The following MED13 variants were observed in gnomAD, a reference collection of about 807,000 sequenced individuals.
MED13 encodes mediator complex subunit 13, also known as mediator of RNA polymerase II transcription subunit 13.
A neutral mutation model predicts 225.2 loss-of-function variants in MED13; 23 were observed. The ratio of observed to expected loss-of-function variants is 0.10; its 90% CI spans 0.07 to 0.14. The LOEUF is 0.14. Ranked by LOEUF, MED13 falls within the 10% of genes least tolerant of loss-of-function variation. MED13 has a pLI of 1.00. For synonymous variants in MED13, 942 were observed against 889.2 expected (o/e 1.06, Z -1.06); for missense variants, 2,197 against 2,594.5 (o/e 0.85, Z 3.33).
At chr17:62,016,388 A>C (rs2080581705) in intron 8 of MED13, among the ~76,000 whole-genome samples, 1 of 152,122 alleles carries the variant, frequency 6.6e-6, no homozygotes, top group Non-Finnish European at 1.5e-5. Flanking sequence ...ACTACTGTAT[A>C]AGGAGATGCA....
At chr17:61,955,896 T>G in intron 24 of MED13, 58 bp from the exon 25 acceptor site, 1 of 1,441,052 alleles carries the variant, frequency 6.9e-7, no homozygotes, top group Non-Finnish European at 9.1e-7. Flanking sequence ...AGTAACAGCA[T>G]TATTAATATC....
chr17:61,984,907 A>G, intron 13 of MED13, 42 bp from the exon 14 acceptor site: 1 of 1,593,298 alleles, frequency 6.3e-7, no homozygotes, highest in Non-Finnish European at 8.6e-7. Context: ...GACTAAAAAT[A>G]GGCGAATCTG....
rs761891108 is a variant in MED13, at chr17:61,965,033, G to C, written c.4817C>G (p.Thr1606Ser). Residue 1606 changes from threonine (T) to serine (S), a missense_variant, in exon 20 of 30, where the codon ACT (threonine) becomes AGT (serine). Around this residue, in one of 12 missense-constraint regions of MED13, gnomAD observed 457 missense variants for 442.2 expected, o/e 1.03. Transcript: ENST00000397786. ...TTCAGACACATCAGGATGCGGCTGA[G>C]TGGGAAGTGAAGATGATTCTCCAGA... ...GISGESSSLPTQPHPDVSEST... is the reference protein window; with the variant it reads ...GISGESSSLPSQPHPDVSEST... 4 of 1,613,934 alleles carry C rather than the reference G, an allele frequency of 2.5e-6. No individual in the cohort carries two copies. In the East Asian group the frequency reaches 8.9e-5, roughly 36 times the overall value.
chr17:62,035,629 T>G (rs1280106624), intron 3 of MED13, 21 bp from the exon 4 acceptor site: 2 of 1,596,508 alleles, frequency 1.3e-6, no homozygotes, highest in African/African-American at 1.4e-5. Flanking sequence ...AGAAAAAGTT[T>G]TATCTTAGTG....
intron 8 of MED13, among the ~76,000 whole-genome samples, chr17:62,019,774 G>A (rs143655019): frequency 1.9e-4 from 28 of 146,974 alleles, no homozygotes; most frequent in Admixed American, 1.7e-3. Flanking sequence ...ACGGAGCCTC[G>A]CTCTTGTCAC....
At chr17:61,992,073 T>C (rs938810854) in intron 11 of MED13, among the ~76,000 whole-genome samples, 1 of 152,248 alleles carries the variant, frequency 6.6e-6, no homozygotes, top group African/African-American at 2.4e-5. Flanking sequence ...GGAGTTATGA[T>C]GATGAAACAC....
intron 9 of MED13, among the ~76,000 whole-genome samples, chr17:62,000,397 C>T (rs777876453): frequency 2.0e-5 from 3 of 152,152 alleles, no homozygotes; most frequent in Non-Finnish European, 4.4e-5. Context: ...TGATCCCAAC[C>T]GCCTGATGGA....
chr17:61,982,820 A>C lies in MED13; in HGVS notation c.3183T>G (p.Thr1061=). 6.2e-7 allele frequency: 1 copy of C among 1,614,224 alleles called. No homozygotes were observed. The highest frequency in any genetic ancestry group is 8.5e-7 in the Non-Finnish European group (1 of 1,180,034). The change falls in exon 16 of 30, where the codon ACT becomes ACG. Residue 1061 remains threonine (T), a synonymous_variant. Coordinates refer to ENST00000397786, the MANE Select transcript of MED13 (RefSeq NM_005121.3). ...CRPLNSVEPA[T]VPSIPEAHSL... ...TGTGTGCTTCAGGGATGGAAGGGAC[A>C]GTTGCAGGTTCAACAGAATTAAGGG... is the stretch of plus-strand genomic sequence containing the variant.
At chr17:61,986,858 A>G in intron 12 of MED13, 149 bp downstream of exon 12, 1 of 432,428 alleles carries the variant, frequency 2.3e-6, no homozygotes, top group East Asian at 4.2e-5. Flanking sequence ...TGAGATTTAA[A>G]AAAGAAATCA....
rs1214926733 is a variant in MED13 at position 61,969,938 on chromosome 17, A to G, written c.3968-1680T>C. ...CATAATAAAAAAATTTTTAAAAGAA[A>G]ATGACCAACAACCTAATAGAAAAAT... On this transcript the variant is annotated intron_variant, in intron 17 of 29. Coordinates refer to ENST00000397786, the MANE Select transcript of MED13 (RefSeq NM_005121.3). 3.3e-5 allele frequency among the ~76,000 whole-genome samples: 5 copies of G among 152,154 alleles called. No individual in the cohort carries two copies. In the East Asian group the frequency reaches 9.6e-4, roughly 29 times the overall value.
At chr17:61,993,477 C>T (rs2080320144) in intron 10 of MED13, among the ~76,000 whole-genome samples, 1 of 150,798 alleles carries the variant, frequency 6.6e-6, no homozygotes, top group South Asian at 2.2e-4. Context: ...GCTGGGATTA[C>T]AGGCGTGAGA....
intron 3 of MED13, among the ~76,000 whole-genome samples, chr17:62,039,445 G>A (rs542219707): frequency 6.6e-6 from 1 of 151,894 alleles, no homozygotes; most frequent in Non-Finnish European, 1.5e-5. Flanking sequence ...ACCATGCCCA[G>A]CTAATTTTTG....
At chr17:61,951,447 GA>G (rs2079895693) in intron 27 of MED13, among the ~76,000 whole-genome samples, 1 of 152,150 alleles carries the variant, frequency 6.6e-6, no homozygotes, top group South Asian at 2.1e-4. Context: ...ATGGCAACAT[GA>G]AGGGACAACT....
At chr17:62,015,020 C>G (rs540078264) in intron 8 of MED13, among the ~76,000 whole-genome samples, 3 of 152,196 alleles carry the variant, frequency 2.0e-5, no homozygotes, top group African/African-American at 7.2e-5. Flanking sequence ...GTGGGGCACT[C>G]TATAGGAGGA....
At chr17:61,987,943 A>C (rs1216323273) in intron 11 of MED13, among the ~76,000 whole-genome samples, 1 of 151,318 alleles carries the variant, frequency 6.6e-6, no homozygotes, top group Non-Finnish European at 1.5e-5. Flanking sequence ...GGGTTTTGCC[A>C]TATTGCCCAG....
At chr17:61,946,718 G>T in intron 29 of MED13, 118 bp from the exon 30 acceptor site, 1 of 1,285,012 alleles carries the variant, frequency 7.8e-7, no homozygotes, top group Non-Finnish European at 1.1e-6. Context: ...GTAACAGAGA[G>T]TCCTTGAGGG....
At chr17:61,950,385 GT>G (rs537705894) in intron 28 of MED13, among the ~76,000 whole-genome samples, 268 of 142,800 alleles carry the variant, frequency 1.9e-3, no homozygotes, top group East Asian at 8.9e-3. Flanking sequence ...AAAACTAGTT[GT>G]TTTTTTTTTT....
intron 17 of MED13, among the ~76,000 whole-genome samples, chr17:61,968,880 T>C (rs954980689): frequency 2.6e-5 from 4 of 152,126 alleles, no homozygotes; most frequent in Non-Finnish European, 4.4e-5. Flanking sequence ...GCTTCCCGAA[T>C]AGCTGGGACT....
chr17:61,992,214 G>A (rs1414092280), intron 11 of MED13, among the ~76,000 whole-genome samples: 1 of 152,078 alleles, frequency 6.6e-6, no homozygotes, highest in South Asian at 2.1e-4. Flanking sequence ...CAGTCAATAT[G>A]TGCCTTCATT....
Sources: allele counts gnomAD v4.1 joint callset (sites outside exome capture counted in the v4.1 genomes callset), GRCh38; gene constraint gnomAD v4.1.1; regional missense constraint gnomAD v4.1.1; transcripts MANE v1.5; gene names NCBI Gene and HGNC (gene_info 2026-07-23, HGNC 2026-07-21).